The following GABBR2 variants were observed in gnomAD, a reference collection of about 807,000 sequenced individuals.
GABBR2 encodes the protein gamma-aminobutyric acid type B receptor subunit 2.
GABBR2 carries 23 observed loss-of-function variants against 105.6 expected under a neutral mutation model. The observed-to-expected ratio is 0.22, with a 90% CI of 0.16 to 0.31. The LOEUF is 0.31. Ranked by LOEUF, GABBR2 falls within the 10% of genes least tolerant of loss-of-function variation. The pLI is 1.00. For synonymous variants in GABBR2, 478 were observed against 499.7 expected (o/e 0.96, Z 0.58); for missense variants, 734 against 1,245.5 (o/e 0.59, Z 6.18).
At chr9:98,390,993 A>G (rs944204247) in intron 9 of GABBR2, among the ~76,000 whole-genome samples, 3 of 152,188 alleles carry the variant, frequency 2.0e-5, no homozygotes, top group African/African-American at 4.8e-5. Context: ...TATTAGTAAC[A>G]GCAGAAGTCC....
chr9:98,664,343 T>A (rs1221643366), intron 1 of GABBR2, among the ~76,000 whole-genome samples: 4 of 152,192 alleles, frequency 2.6e-5, no homozygotes, highest in Non-Finnish European at 5.9e-5. Flanking sequence ...ACCAGATGGA[T>A]CCTGGTGGAT....
At chr9:98,378,572 G>A (rs565326137) in intron 11 of GABBR2, among the ~76,000 whole-genome samples, 2 of 152,190 alleles carry the variant, frequency 1.3e-5, no homozygotes, top group African/African-American at 4.8e-5. Flanking sequence ...TTCCAAGTGC[G>A]GTCTGGGGAT....
chr9:98,611,493 T>TGAATGAAA (rs1292111017), intron 1 of GABBR2, among the ~76,000 whole-genome samples: 1 of 144,350 alleles, frequency 6.9e-6, no homozygotes, highest in Non-Finnish European at 1.5e-5. Context: ...AATGAATGAA[T>TGAATGAAA]GAAATTGGAA....
At chr9:98,611,416 A>G (rs1341986547) in intron 1 of GABBR2, among the ~76,000 whole-genome samples, 1 of 152,068 alleles carries the variant, frequency 6.6e-6, no homozygotes, top group Non-Finnish European at 1.5e-5. Context: ...CAACAATGAA[A>G]ACTGCTATGG....
intron 13 of GABBR2, among the ~76,000 whole-genome samples, chr9:98,359,075 A>G (rs1024976685): frequency 6.6e-6 from 1 of 152,204 alleles, no homozygotes; most frequent in Non-Finnish European, 1.5e-5. Context: ...AAATGAGTTC[A>G]TATTTGTAAA....
chr9:98,414,026 C>T (rs1832639451), intron 7 of GABBR2, among the ~76,000 whole-genome samples: 1 of 152,164 alleles, frequency 6.6e-6, no homozygotes, highest in Non-Finnish European at 1.5e-5. Context: ...CTATGATGTG[C>T]CAGACAGGCA....
chr9:98,483,687 C>A (rs1826980752), intron 4 of GABBR2, among the ~76,000 whole-genome samples: 1 of 152,140 alleles, frequency 6.6e-6, no homozygotes, highest in African/African-American at 2.4e-5. Context: ...CTCCAGAGTG[C>A]CCTTCCCTCT....
At chr9:98,313,583 A>G (rs1830668723) in intron 13 of GABBR2, among the ~76,000 whole-genome samples, 1 of 152,232 alleles carries the variant, frequency 6.6e-6, no homozygotes, top group South Asian at 2.1e-4. Flanking sequence ...ACAACTGTCA[A>G]GCACAAACTT....
intron 1 of GABBR2, among the ~76,000 whole-genome samples, chr9:98,593,569 G>A (rs914238313): frequency 1.3e-5 from 2 of 152,178 alleles, no homozygotes; most frequent in African/African-American, 4.8e-5. Context: ...CCAGGAGGGG[G>A]TGCTGGGTCC....
chr9:98,438,208 CATCCATCCATCT>C (rs1435943145), intron 7 of GABBR2, among the ~76,000 whole-genome samples: 11 of 140,142 alleles, frequency 7.8e-5, no homozygotes, highest in African/African-American at 2.2e-4. Flanking sequence ...TCCATCCATC[CATCCATCCATCT>C]ATATCTATAC....
Position 98,444,854 on chromosome 9 carries a change from CATGCAT to C in GABBR2, c.1236+9121_1236+9126del, listed in dbSNP as rs577839886. 4.5e-3 allele frequency among the ~76,000 whole-genome samples: 650 copies of C among 144,842 alleles called. 8 individuals are homozygous for C. Among genetic ancestry groups the C allele is most frequent in the African/African-American group, 0.016 (617 of 38,524 alleles). The stretch of plus-strand genomic sequence containing the variant: ...CCTCCAACGCATGCGTGCACGTGCA[CATGCAT>C]ATGCACATGCGCGCGCGCGCACACA... On this transcript the variant is annotated intron_variant, in intron 7 of 18. Transcript: ENST00000259455.
chr9:98,394,099 C>G, intron 9 of GABBR2, 76 bp downstream of exon 9: 1 of 1,040,958 alleles, frequency 9.6e-7, no homozygotes, highest in East Asian at 2.4e-5. Context: ...CTGAGCTTGT[C>G]CCTAACCCTT....
At chr9:98,539,273 A>T (rs1482230154) in intron 3 of GABBR2, among the ~76,000 whole-genome samples, 1 of 152,166 alleles carries the variant, frequency 6.6e-6, no homozygotes, top group Non-Finnish European at 1.5e-5. Flanking sequence ...AGTTTTTGGG[A>T]ATCTATAAGG....
chr9:98,539,182 C>A (rs996136786), intron 3 of GABBR2, among the ~76,000 whole-genome samples: 2 of 152,342 alleles, frequency 1.3e-5, no homozygotes, highest in East Asian at 3.9e-4. Flanking sequence ...GGCAAGAGAC[C>A]TCCCACCCTC....
intron 3 of GABBR2, among the ~76,000 whole-genome samples, chr9:98,534,055 G>C: frequency 6.6e-6 from 1 of 152,242 alleles, no homozygotes; most frequent in East Asian, 1.9e-4. Flanking sequence ...AGAGTAAGCA[G>C]CAACTTTAGA....
intron 1 of GABBR2, among the ~76,000 whole-genome samples, chr9:98,588,402 A>G (rs1312504624): frequency 1.3e-5 from 2 of 152,256 alleles, no homozygotes; most frequent in Non-Finnish European, 2.9e-5. Context: ...AGAAACATTT[A>G]CTGAAGTGTT....
At chr9:98,607,749 C>T (rs1048936322) in intron 1 of GABBR2, 20 of 776,178 alleles carry the variant, frequency 2.6e-5, no homozygotes, top group Non-Finnish European at 4.0e-5. Context: ...ATGAGAACTA[C>T]AGAAGCAGAA....
intron 1 of GABBR2, among the ~76,000 whole-genome samples, chr9:98,650,000 A>C (rs1027695530): frequency 2.6e-5 from 4 of 152,234 alleles, no homozygotes; most frequent in African/African-American, 9.6e-5. Flanking sequence ...GACTTCAGTG[A>C]GAGCTATAAA....
intron 2 of GABBR2, among the ~76,000 whole-genome samples, chr9:98,545,277 A>G (rs1828377913): frequency 6.6e-6 from 1 of 152,180 alleles, no homozygotes; most frequent in African/African-American, 2.4e-5. Context: ...CCCGGGTCTA[A>G]ATCATGTTGG....
Sources: allele counts gnomAD v4.1 joint callset (sites outside exome capture counted in the v4.1 genomes callset), GRCh38; gene constraint gnomAD v4.1.1; transcripts MANE v1.5; gene names NCBI Gene and HGNC (gene_info 2026-07-23, HGNC 2026-07-21).